The following ADAMTS17 variants were observed in gnomAD, a reference collection of about 807,000 sequenced individuals.
The protein encoded by ADAMTS17 is A disintegrin and metalloproteinase with thrombospondin motifs 17.
ADAMTS17 carries 113 observed loss-of-function variants against 141.5 expected under a neutral mutation model. The ratio of observed to expected loss-of-function variants is 0.80; its 90% confidence interval spans 0.69 to 0.93. The LOEUF (loss-of-function observed/expected upper bound fraction) is 0.93. ADAMTS17 is among the 40% of genes least tolerant of loss of function. ADAMTS17 has a pLI of 0.00. For synonymous variants in ADAMTS17, 768 were observed against 630.6 expected (o/e 1.22, Z -3.27); for missense variants, 1,659 against 1,517.9 (o/e 1.09, Z -1.54).
chr15:100,311,867 T>C (rs1271036139), intron 3 of ADAMTS17, among the ~76,000 whole-genome samples: 3 of 152,038 alleles, frequency 2.0e-5, no homozygotes, highest in Admixed American at 2.0e-4. Flanking sequence ...GTGATTGCCA[T>C]GCTTAGACTC....
chr15:100,094,261 G>A (rs73476441), intron 15 of ADAMTS17, among the ~76,000 whole-genome samples: 4,716 of 152,350 alleles, frequency 0.031, 257 homozygotes, highest in African/African-American at 0.11. Flanking sequence ...GCCAGGGTGG[G>A]AGCAGCTACC....
chr15:100,081,325 G>C (rs556370547), intron 15 of ADAMTS17, among the ~76,000 whole-genome samples: 2 of 152,058 alleles, frequency 1.3e-5, no homozygotes, highest in African/African-American at 4.8e-5. Context: ...TTGTGATTAC[G>C]TAAGTTAATA....
intron 2 of ADAMTS17, among the ~76,000 whole-genome samples, chr15:100,338,539 A>G (rs1307182016): frequency 6.6e-6 from 1 of 152,202 alleles, no homozygotes; most frequent in Non-Finnish European, 1.5e-5. Flanking sequence ...TTTCACACTG[A>G]AAGGGCAGCT....
rs958086776 is a variant in ADAMTS17 at position 100,110,835 on chromosome 15, C to T, written c.1889-1719G>A. Among the ~76,000 whole-genome samples the T allele has an allele frequency of 7.2e-5, 11 of 152,258 alleles. No individual in the cohort carries two copies. In the South Asian group the frequency reaches 8.3e-4, roughly 12 times the overall value. ...AGAGGCTTCTGAGCCGACCTGGCCT[C>T]GGACGACCTTGGCATCCCACCTGCA... On this transcript the variant is annotated intron_variant, in intron 13 of 21. Transcript: ENST00000268070.
chr15:100,017,596 G>T (rs116118999), intron 18 of ADAMTS17, among the ~76,000 whole-genome samples: 2,339 of 152,312 alleles, frequency 0.015, 56 homozygotes, highest in African/African-American at 0.051. Flanking sequence ...TCAGCTCCAG[G>T]TAAGGATGGA....
chr15:100,088,045 A>T (rs1178387277), intron 15 of ADAMTS17, among the ~76,000 whole-genome samples: 4 of 152,228 alleles, frequency 2.6e-5, no homozygotes. Flanking sequence ...GAGGAAGTCA[A>T]ATTGTCCCTG....
At chr15:100,077,950 T>C (rs1292034805) in intron 15 of ADAMTS17, among the ~76,000 whole-genome samples, 2 of 152,196 alleles carry the variant, frequency 1.3e-5, no homozygotes, top group African/African-American at 4.8e-5. Context: ...TGCATTTCTA[T>C]ATGTTAGCAA....
chr15:100,155,665 T>C (rs1308303368), intron 8 of ADAMTS17, among the ~76,000 whole-genome samples: 1 of 152,252 alleles, frequency 6.6e-6, no homozygotes, highest in Non-Finnish European at 1.5e-5. Context: ...ACATTAAATA[T>C]TCCAATGTTC....
chr15:100,051,500 T>C lies in ADAMTS17; in HGVS notation c.2455+72A>G. 3 of 1,604,956 alleles carry C rather than the reference T, an allele frequency of 1.9e-6. No individual in the cohort carries two copies. The South Asian group carries it at 3.3e-5, about 18-fold the overall frequency. ...TGCAGATGTCTCACACTCTGCGTGC[T>C]GGCCACAGATGCCTTTCTCCTTCCT... On this transcript the variant is annotated intron_variant, in intron 17 of 21. Coordinates refer to ENST00000268070, the MANE Select transcript of ADAMTS17 (RefSeq NM_139057.4).
At chr15:100,237,524 T>C (rs1192152994) in intron 7 of ADAMTS17, among the ~76,000 whole-genome samples, 1 of 152,184 alleles carries the variant, frequency 6.6e-6, no homozygotes, top group East Asian at 1.9e-4. Context: ...AGAGCAGGCA[T>C]TGTGCAGGAG....
intron 7 of ADAMTS17, among the ~76,000 whole-genome samples, chr15:100,202,782 A>T (rs1344461442): frequency 6.6e-6 from 1 of 152,162 alleles, no homozygotes; most frequent in Non-Finnish European, 1.5e-5. Context: ...ATGAGGAAAA[A>T]CCAGTTTTCT....
At chr15:99,998,772 C>T (rs1179248894) in intron 18 of ADAMTS17, among the ~76,000 whole-genome samples, 1 of 152,198 alleles carries the variant, frequency 6.6e-6, no homozygotes, top group South Asian at 2.1e-4. Context: ...TTTGCGAACA[C>T]TAAGGGATCT....
intron 18 of ADAMTS17, among the ~76,000 whole-genome samples, chr15:100,000,649 GT>G (rs1260530139): frequency 6.6e-6 from 1 of 152,110 alleles, no homozygotes; most frequent in Non-Finnish European, 1.5e-5. Flanking sequence ...GAGTAGTCGG[GT>G]TTACAGCCAT....
intron 13 of ADAMTS17, among the ~76,000 whole-genome samples, chr15:100,113,178 G>T (rs1023232356): frequency 6.6e-6 from 1 of 152,108 alleles, no homozygotes; most frequent in Non-Finnish European, 1.5e-5. Context: ...CCCATTCCTC[G>T]TCTCTTTCCT....
chr15:100,323,542 A>G (rs1162110075), intron 3 of ADAMTS17, among the ~76,000 whole-genome samples: 1 of 152,234 alleles, frequency 6.6e-6, no homozygotes, highest in Non-Finnish European at 1.5e-5. Context: ...TGAAGATAGT[A>G]AAATTTACTG....
intron 18 of ADAMTS17, among the ~76,000 whole-genome samples, chr15:100,042,739 G>A (rs559077360): frequency 6.6e-6 from 1 of 152,288 alleles, no homozygotes; most frequent in African/African-American, 2.4e-5. Context: ...TGGACAAGGG[G>A]ATGATTCACG....
intron 18 of ADAMTS17, among the ~76,000 whole-genome samples, chr15:100,044,445 C>T (rs1310098970): frequency 6.6e-6 from 1 of 152,140 alleles, no homozygotes; most frequent in Non-Finnish European, 1.5e-5. Flanking sequence ...TGTTGTTAGA[C>T]CCATGGAGTG....
intron 10 of ADAMTS17, among the ~76,000 whole-genome samples, chr15:100,139,694 C>T (rs1206350188): frequency 6.6e-6 from 1 of 152,228 alleles, no homozygotes; most frequent in Non-Finnish European, 1.5e-5. Context: ...GGTATCCTTC[C>T]CAATAACGCG....
At chr15:100,222,929 C>T (rs1233049673) in intron 7 of ADAMTS17, among the ~76,000 whole-genome samples, 2 of 152,216 alleles carry the variant, frequency 1.3e-5, no homozygotes, top group African/African-American at 4.8e-5. Flanking sequence ...ACACACTTTG[C>T]TGGCATTCAA....
Sources: allele counts gnomAD v4.1 joint callset (sites outside exome capture counted in the v4.1 genomes callset), GRCh38; gene constraint gnomAD v4.1.1; transcripts MANE v1.5; gene names NCBI Gene and HGNC (gene_info 2026-07-23, HGNC 2026-07-21).